The following MAPK10 variants were observed in gnomAD, a reference collection of about 807,000 sequenced individuals.
MAPK10 encodes the protein mitogen-activated protein kinase 10, also known as JNK3 alpha protein kinase.
Under a neutral mutation model 59.3 loss-of-function variants are expected in MAPK10, and 25 were observed. That is an observed-to-expected ratio of 0.42 (90% CI 0.31 to 0.59). The LOEUF (loss-of-function observed/expected upper bound fraction) is 0.59. Among genes scored for constraint, MAPK10 ranks in the 20% least tolerant of loss-of-function variants. The pLI, the probability that MAPK10 is intolerant of heterozygous loss-of-function variation, is 0.15. For synonymous variants in MAPK10, 190 were observed against 200.5 expected, an observed-to-expected ratio of 0.95 and a Z score of 0.44; for missense variants, 351 against 568.9, an observed-to-expected ratio of 0.62 and a Z score of 3.90.
chr4:86,272,830 C>T (rs1405416941), intron 2 of MAPK10, among the ~76,000 whole-genome samples: 2 of 152,030 alleles, frequency 1.3e-5, no homozygotes, highest in Non-Finnish European at 2.9e-5. Flanking sequence ...CTCACACATC[C>T]TGGAGTCTGC....
In MAPK10 at chr4:86,483,155, G is replaced by A. The variant is rs538123388; in HGVS notation, c.-263+110755C>T. Among the ~76,000 whole-genome samples, 8 of 152,240 alleles carry A rather than the reference G, an allele frequency of 5.3e-5. No individual in the cohort carries two copies. The South Asian group carries it at 1.0e-3, about 20-fold the overall frequency. ...AATCTTTGTCAAAAGAGAAGATGTC[G>A]TCACATTGGTAAACCGTACCCCTCT... On this transcript the variant is annotated intron_variant, in intron 1 of 4. Transcript: ENST00000502302.
intron 1 of MAPK10, among the ~76,000 whole-genome samples, chr4:86,544,478 A>C (rs1237292153): frequency 6.6e-6 from 1 of 152,204 alleles, no homozygotes; most frequent in Non-Finnish European, 1.5e-5. Flanking sequence ...CTAAATAGTC[A>C]TTTCTCTCTC....
chr4:86,440,734 G>A (rs1029193170), intron 1 of MAPK10, among the ~76,000 whole-genome samples: 1 of 152,080 alleles, frequency 6.6e-6, no homozygotes, highest in African/African-American at 2.4e-5. Flanking sequence ...GATGTTTCTG[G>A]TATGAGTCCA....
At position 86,487,362 on chromosome 4, in the gene MAPK10, A is replaced by AGT. The variant is rs35053159; in HGVS notation, c.-263+106546_-263+106547dup. Among the ~76,000 whole-genome samples the AGT allele has an allele frequency of 3.4e-3, 501 of 148,594 alleles. 6 individuals carry two copies. The highest frequency in any genetic ancestry group is 9.5e-3 in the African/African-American group (385 of 40,370). On this transcript the variant is annotated intron_variant, in intron 1 of 4. Coordinates refer to the MAPK10 transcript ENST00000502302. ...AATAGTTCATAAAAGAGAGAGAGAG[A>AGT]GTGTGTGTGTGTGTGTGTGTGTAGA...
chr4:86,346,093 A>C (rs936108356), intron 2 of MAPK10, among the ~76,000 whole-genome samples: 2 of 152,204 alleles, frequency 1.3e-5, no homozygotes, highest in African/African-American at 4.8e-5. Context: ...CATCTATACA[A>C]AGGACCAAAA....
intron 1 of MAPK10, among the ~76,000 whole-genome samples, chr4:86,543,773 C>A (rs1478639145): frequency 6.6e-6 from 1 of 151,870 alleles, no homozygotes; most frequent in Non-Finnish European, 1.5e-5. Flanking sequence ...CCAAAAAAAA[C>A]AGGAACGGGA....
intron 1 of MAPK10, among the ~76,000 whole-genome samples, chr4:86,545,799 A>G (rs2149097147): frequency 6.6e-6 from 1 of 152,378 alleles, no homozygotes; most frequent in Admixed American, 6.5e-5. Context: ...AAATATATCC[A>G]AGTGGAATAA....
At chr4:86,536,438 GT>G (rs1278542807) in intron 1 of MAPK10, among the ~76,000 whole-genome samples, 1 of 152,174 alleles carries the variant, frequency 6.6e-6, no homozygotes, top group East Asian at 1.9e-4. Context: ...ACACGATTAC[GT>G]TTATTCATCC....
At chr4:86,134,231 G>A (rs565130677) in intron 4 of MAPK10, among the ~76,000 whole-genome samples, 3 of 152,262 alleles carry the variant, frequency 2.0e-5, no homozygotes, top group Admixed American at 1.3e-4. Flanking sequence ...TCATCTCCCT[G>A]AAGAGCCAAT....
chr4:86,332,131 T>C (rs2096169041), intron 2 of MAPK10, among the ~76,000 whole-genome samples: 1 of 152,060 alleles, frequency 6.6e-6, no homozygotes, highest in Non-Finnish European at 1.5e-5. Context: ...AATATGCAAA[T>C]ATACTGCAAA....
intron 1 of MAPK10, among the ~76,000 whole-genome samples, chr4:86,498,164 C>T (rs937348531): frequency 6.6e-6 from 1 of 152,154 alleles, no homozygotes. Context: ...GGCATTTCAT[C>T]CCTTCGACTC....
chr4:86,284,325 G>A (rs1030583807), intron 2 of MAPK10, among the ~76,000 whole-genome samples: 2 of 152,168 alleles, frequency 1.3e-5, no homozygotes, highest in African/African-American at 4.8e-5. Context: ...GCTCCATTCT[G>A]CTGCCTCTAC....
intron 1 of MAPK10, among the ~76,000 whole-genome samples, chr4:86,439,930 C>A (rs1276350689): frequency 6.6e-6 from 1 of 152,040 alleles, no homozygotes; most frequent in Admixed American, 6.6e-5. Context: ...TCAAACATTT[C>A]CTGAGTTTTA....
chr4:86,401,110 T>A (rs892004985), intron 1 of MAPK10, among the ~76,000 whole-genome samples: 2 of 152,130 alleles, frequency 1.3e-5, no homozygotes, highest in African/African-American at 4.8e-5. Context: ...TTTAACAGGA[T>A]TAAAAATATA....
intron 1 of MAPK10, among the ~76,000 whole-genome samples, chr4:86,494,571 C>T (rs1403115291): frequency 2.0e-5 from 3 of 152,002 alleles, no homozygotes; most frequent in Non-Finnish European, 4.4e-5. Context: ...CACGGCTGGG[C>T]GTGGTGGCTC....
At chr4:86,278,623 T>A (rs1026822042) in intron 2 of MAPK10, among the ~76,000 whole-genome samples, 6 of 152,166 alleles carry the variant, frequency 3.9e-5, no homozygotes, top group African/African-American at 1.4e-4. Flanking sequence ...AACCTAGCAA[T>A]TTTTTAAAAA....
intron 1 of MAPK10, among the ~76,000 whole-genome samples, chr4:86,592,617 G>A (rs560474316): frequency 3.9e-5 from 6 of 152,262 alleles, no homozygotes; most frequent in African/African-American, 1.4e-4. Flanking sequence ...CCTGATAGAT[G>A]ATCCAGAACA....
intron 4 of MAPK10, among the ~76,000 whole-genome samples, chr4:86,129,873 G>C (rs2060697175): frequency 6.6e-6 from 1 of 152,136 alleles, no homozygotes; most frequent in Non-Finnish European, 1.5e-5. Flanking sequence ...TTGTGATGCA[G>C]CTTAAGTTTG....
chr4:86,479,683 A>T (rs1010829764), intron 1 of MAPK10, among the ~76,000 whole-genome samples: 2 of 152,126 alleles, frequency 1.3e-5, no homozygotes, highest in Non-Finnish European at 2.9e-5. Flanking sequence ...CTTTGCCGGC[A>T]GGGCTATGCT....
Sources: allele counts gnomAD v4.1 joint callset (sites outside exome capture counted in the v4.1 genomes callset), GRCh38; gene constraint gnomAD v4.1.1; transcripts MANE v1.5; gene names NCBI Gene and HGNC (gene_info 2026-07-23, HGNC 2026-07-21).